Variants in TDRD12 observed in about 807,000 individuals in gnomAD.
TDRD12 encodes the protein putative ATP-dependent RNA helicase TDRD12.
TDRD12 carries 158 observed loss-of-function variants against 133.5 expected under a neutral mutation model. The observed-to-expected ratio is 1.18, with a 90% CI of 1.04 to 1.35. The LOEUF is 1.35. Among genes scored for constraint, TDRD12 ranks in the 40% most tolerant of loss-of-function variants. TDRD12 has a pLI of 0.00. For missense variants in TDRD12, 1,443 were observed against 1,321.3 expected, an observed-to-expected ratio of 1.09 and a Z score of -1.43; for synonymous variants, 460 against 477.9, an observed-to-expected ratio of 0.96 and a Z score of 0.49.
chr19:32,767,092 TTTTATTTATTTATTTA>T (rs138456502), intron 8 of TDRD12, among the ~76,000 whole-genome samples: 11,806 of 137,480 alleles, frequency 0.086, 549 homozygotes, highest in Middle Eastern at 0.12. Context: ...TTTTCATGCA[TTTTATTTATTTATTTA>T]TTTATTTATT....
chr19:32,817,654 TG>T (rs2145747596), intron 26 of TDRD12, among the ~76,000 whole-genome samples: 1 of 151,850 alleles, frequency 6.6e-6, no homozygotes, highest in South Asian at 2.1e-4. Flanking sequence ...GTGGGAATCC[TG>T]TGTATGATTT....
intron 20 of TDRD12, 23 bp from the exon 21 acceptor site, chr19:32,802,899 C>G: frequency 6.5e-7 from 1 of 1,530,306 alleles, no homozygotes; most frequent in Non-Finnish European, 8.8e-7. Context: ...GATCCACTTC[C>G]TTTATTCACC....
At chr19:32,745,316 C>A (rs1969569358) in intron 4 of TDRD12, among the ~76,000 whole-genome samples, 1 of 152,176 alleles carries the variant, frequency 6.6e-6, no homozygotes, top group Non-Finnish European at 1.5e-5. Flanking sequence ...CCTAGGATGC[C>A]CCCAGGGAAG....
intron 8 of TDRD12, among the ~76,000 whole-genome samples, chr19:32,767,092 T>TTTTTTTTA (rs1165846951): frequency 7.3e-6 from 1 of 137,460 alleles, no homozygotes; most frequent in Non-Finnish European, 1.6e-5. Flanking sequence ...TTTTCATGCA[T>TTTTTTTTA]TTTATTTATT....
At chr19:32,771,076 C>T (rs1970430515) in intron 8 of TDRD12, among the ~76,000 whole-genome samples, 1 of 152,176 alleles carries the variant, frequency 6.6e-6, no homozygotes, top group Admixed American at 6.5e-5. Context: ...ATGGTGAGGC[C>T]TCAGGAAGCT....
intron 13 of TDRD12, among the ~76,000 whole-genome samples, chr19:32,792,801 C>G (rs979388560): frequency 6.6e-6 from 1 of 152,178 alleles, no homozygotes; most frequent in African/African-American, 2.4e-5. Context: ...ATTATGAAGG[C>G]TTCAAGAGAG....
intron 14 of TDRD12, among the ~76,000 whole-genome samples, chr19:32,796,981 C>CT (rs1157185010): frequency 0.13 from 17,011 of 135,246 alleles, 1,148 homozygotes; most frequent in Middle Eastern, 0.16. Flanking sequence ...AGAGGTTCGT[C>CT]TTTTTTTTTT....
chr19:32,775,582 C>T (rs1187165080), intron 10 of TDRD12, among the ~76,000 whole-genome samples: 4 of 152,178 alleles, frequency 2.6e-5, no homozygotes, highest in Non-Finnish European at 5.9e-5. Flanking sequence ...ATCCTCCCGC[C>T]TTGGCTTACC....
chr19:32,755,411 A>G (rs10404914), intron 6 of TDRD12, among the ~76,000 whole-genome samples: 88,985 of 152,168 alleles, frequency 0.58, 26,864 homozygotes, highest in East Asian at 0.82. Flanking sequence ...AGTGTGCAGT[A>G]GCACCTCATT....
intron 27 of TDRD12, among the ~76,000 whole-genome samples, chr19:32,819,336 G>A (rs1477441927): frequency 6.7e-6 from 1 of 149,502 alleles, no homozygotes; most frequent in Non-Finnish European, 1.5e-5. Context: ...AAATGACAAA[G>A]ATAAACATAG....
At chr19:32,783,416 C>G (rs1970823198) in intron 11 of TDRD12, among the ~76,000 whole-genome samples, 2 of 152,138 alleles carry the variant, frequency 1.3e-5, no homozygotes, top group South Asian at 4.1e-4. Flanking sequence ...CAGCTTTGTT[C>G]TTCTTCCCCA....
chr19:32,807,497 C>T, intron 21 of TDRD12, 52 bp from the exon 22 acceptor site: 2 of 1,279,518 alleles, frequency 1.6e-6, no homozygotes, highest in Non-Finnish European at 2.1e-6. Flanking sequence ...CGTTAAAATT[C>T]ACATTAACAA....
chr19:32,811,739 G>T (rs2145730795), intron 24 of TDRD12, among the ~76,000 whole-genome samples: 1 of 152,276 alleles, frequency 6.6e-6, no homozygotes, highest in Non-Finnish European at 1.5e-5. Flanking sequence ...GCTGGGTGCT[G>T]TGGCCTGTAA....
chr19:32,729,683 T>C (rs534234379), intron 1 of TDRD12, among the ~76,000 whole-genome samples: 7 of 151,692 alleles, frequency 4.6e-5, no homozygotes, highest in Admixed American at 1.3e-4. Flanking sequence ...CATCTTTAAG[T>C]TCTGTATTTA....
rs571866807 is a variant in TDRD12 at position 32,789,988 on chromosome 19, G to A, written c.1122-543G>A. Reference sequence around the variant, plus strand: ...CTGTACTCCAGCCTGAGTAACAAGAGCGAAACTCCATCTCAAAAAAAAAAG... The same window carrying A: ...CTGTACTCCAGCCTGAGTAACAAGAACGAAACTCCATCTCAAAAAAAAAAG... On this transcript the variant is annotated intron_variant, in intron 11 of 27. Transcript: ENST00000444215. Among the ~76,000 whole-genome samples the A allele has an allele frequency of 1.8e-4, 27 of 151,954 alleles. 2 individuals carry two copies. The South Asian group carries it at 4.4e-3, about 25-fold the overall frequency.
intron 11 of TDRD12, among the ~76,000 whole-genome samples, chr19:32,779,613 C>A (rs1397183163): frequency 6.6e-6 from 1 of 152,036 alleles, no homozygotes; most frequent in Non-Finnish European, 1.5e-5. Flanking sequence ...AGAAACTGCT[C>A]TGTTTTGCTA....
intron 4 of TDRD12, among the ~76,000 whole-genome samples, chr19:32,744,224 G>T (rs989007481): frequency 6.6e-6 from 1 of 151,666 alleles, no homozygotes; most frequent in African/African-American, 2.4e-5. Context: ...AATCTGACCG[G>T]GCCTGGTGGC....
At chr19:32,795,834 A>G (rs995076912) in intron 14 of TDRD12, among the ~76,000 whole-genome samples, 2 of 152,128 alleles carry the variant, frequency 1.3e-5, no homozygotes, top group Non-Finnish European at 2.9e-5. Context: ...AGTGTGACAC[A>G]TGGCTGGAGC....
intron 3 of TDRD12, among the ~76,000 whole-genome samples, chr19:32,739,535 C>T (rs1969333684): frequency 7.2e-6 from 1 of 139,444 alleles, no homozygotes; most frequent in Admixed American, 7.2e-5. Flanking sequence ...TCCTGGGGCT[C>T]TCTTTGCATC....
Sources: allele counts gnomAD v4.1 joint callset (sites outside exome capture counted in the v4.1 genomes callset), GRCh38; gene constraint gnomAD v4.1.1; transcripts MANE v1.5; gene names NCBI Gene and HGNC (gene_info 2026-07-23, HGNC 2026-07-21).